OOSP4B: variants seen among roughly 807,000 people sequenced by gnomAD.
The protein encoded by OOSP4B is oocyte-secreted protein 4B.
chr11:60,023,566 C>G (rs1339739258), intron 1 of OOSP4B, among the ~76,000 whole-genome samples: 1 of 152,142 alleles, frequency 6.6e-6, no homozygotes, highest in African/African-American at 2.4e-5. Context: ...TCCCAAGTAG[C>G]TGGGATTACA....
intron 1 of OOSP4B, 110 bp downstream of exon 1, chr11:60,017,523 T>G (rs892812737): frequency 2.5e-6 from 1 of 397,642 alleles, no homozygotes; most frequent in African/African-American, 2.1e-5. Flanking sequence ...GATTACTTTC[T>G]AAAACACTGC....
chr11:60,020,097 A>G lies in OOSP4B; in HGVS notation c.22+2684A>G, dbSNP rs140530531. Among the ~76,000 whole-genome samples the G allele has an allele frequency of 6.4e-3, 980 of 152,334 alleles. 14 individuals carry two copies. The highest frequency in any genetic ancestry group is 0.02 in the African/African-American group (816 of 41,584). ...CTGATTGGTGTGTTTACAAACCTTG[A>G]GCTAGATACAGAGTGCCGATTGGTG... On this transcript the variant is annotated intron_variant, in intron 1 of 4. Transcript: ENST00000642343.
At chr11:60,031,003 G>A in exon 5 of OOSP4B, 1 of 392,084 alleles carries the variant, frequency 2.6e-6, no homozygotes, top group Non-Finnish European at 4.5e-6. Context: ...TCTATACCAT[G>A]ATATTTATAC....
intron 1 of OOSP4B, chr11:60,022,392 G>A (rs749313487): frequency 3.9e-5 from 6 of 152,148 alleles, no homozygotes; most frequent in Admixed American, 6.5e-5. Flanking sequence ...TTTACTATCA[G>A]TATCTATCAA....
intron 1 of OOSP4B, among the ~76,000 whole-genome samples, chr11:60,019,300 G>A (rs189700946): frequency 1.3e-5 from 2 of 152,348 alleles, no homozygotes; most frequent in African/African-American, 4.8e-5. Context: ...GATCGCTTGA[G>A]CTCAGGAGTT....
intron 3 of OOSP4B, among the ~76,000 whole-genome samples, chr11:60,028,898 G>A (rs1006362542): frequency 1.3e-5 from 2 of 152,076 alleles, no homozygotes; most frequent in Middle Eastern, 6.3e-3. Context: ...TTTGATCCTT[G>A]GATTTCTCAC....
At position 60,020,568 on chromosome 11, in the gene OOSP4B, C is replaced by A. The variant is rs375424227; in HGVS notation, c.22+3155C>A. Among the ~76,000 whole-genome samples, 255 of 152,308 alleles carry A rather than the reference C, an allele frequency of 1.7e-3. 2 individuals carry two copies. The highest frequency in any genetic ancestry group is 5.7e-3 in the African/African-American group (236 of 41,564). On this transcript the variant is annotated intron_variant, in intron 1 of 4. Transcript: ENST00000642343. The stretch of plus-strand genomic sequence containing the variant: ...AACTTGCGCTGGCCTGCAAGCACAG[C>A]GAGCAGCCCCGGTTCCCGCCGGCGC...
Position 60,026,151 on chromosome 11 carries a change from C to T in OOSP4B, c.302+1146C>T, listed in dbSNP as rs139611218. On this transcript the variant is annotated intron_variant, in intron 3 of 4. Transcript: ENST00000642343. ...CTTAATGTGTTTTTTGATGAGCAGA[C>T]GTCTTTAATTTTGGAGTTTAATTTA... Among the ~76,000 whole-genome samples the T allele has an allele frequency of 2.0e-3, 303 of 152,182 alleles. 1 individual carries two copies. The highest frequency in any genetic ancestry group is 6.6e-3 in the African/African-American group (273 of 41,530).
rs188022778 is a variant in OOSP4B at position 60,019,984 on chromosome 11, A to T, written c.22+2571A>T. ...TAGATTAGCTAGATACAGAGTGTGG[A>T]CACAAAGGTTCTCCAAGTCCCCACC... On this transcript the variant is annotated intron_variant, in intron 1 of 4. Transcript: ENST00000642343. Among the ~76,000 whole-genome samples, 371 of 152,260 alleles carry T rather than the reference A, an allele frequency of 2.4e-3. 2 individuals are homozygous for T. The highest frequency in any genetic ancestry group is 7.5e-3 in the Admixed American group (115 of 15,310).
At chr11:60,021,671 T>C (rs1395028946) in intron 1 of OOSP4B, 1 of 152,232 alleles carries the variant, frequency 6.6e-6, no homozygotes, top group African/African-American at 2.4e-5. Context: ...TCTCAGGTTT[T>C]CTTTGTTAGA....
chr11:60,029,922 TTAA>T, exon 4 of OOSP4B: 1 of 398,352 alleles, frequency 2.5e-6, no homozygotes, highest in Non-Finnish European at 4.4e-6. Flanking sequence ...TTTAACAGTG[TTAA>T]TAAGGTGAGA....
chr11:60,026,432 A>G (rs1854746932), intron 3 of OOSP4B, among the ~76,000 whole-genome samples: 1 of 152,336 alleles, frequency 6.6e-6, no homozygotes, highest in Non-Finnish European at 1.5e-5. Flanking sequence ...CGTTATATCA[A>G]TGACCTTATA....
chr11:60,020,051 C>G (rs983247852), intron 1 of OOSP4B, among the ~76,000 whole-genome samples: 1 of 152,204 alleles, frequency 6.6e-6, no homozygotes, highest in African/African-American at 2.4e-5. Flanking sequence ...CATTCACAAA[C>G]GCTGAGCTAG....
intron 3 of OOSP4B, among the ~76,000 whole-genome samples, chr11:60,025,244 T>C (rs1411276697): frequency 6.6e-6 from 1 of 152,208 alleles, no homozygotes; most frequent in Non-Finnish European, 1.5e-5. Flanking sequence ...TCTATCAATT[T>C]TGATGCACTT....
intron 1 of OOSP4B, among the ~76,000 whole-genome samples, chr11:60,018,890 A>C (rs1854653645): frequency 1.3e-5 from 2 of 152,210 alleles, no homozygotes; most frequent in Admixed American, 1.3e-4. Flanking sequence ...AGACGAATCT[A>C]GGGAAACTTA....
At chr11:60,024,423 C>T (rs1854724743) in intron 2 of OOSP4B, among the ~76,000 whole-genome samples, 1 of 152,070 alleles carries the variant, frequency 6.6e-6, no homozygotes, top group Non-Finnish European at 1.5e-5. Context: ...ACCTGTAATC[C>T]CAGCTATTTG....
chr11:60,030,557 T>G (rs928614065), intron 4 of OOSP4B, among the ~76,000 whole-genome samples: 1 of 152,206 alleles, frequency 6.6e-6, no homozygotes, highest in Admixed American at 6.5e-5. Flanking sequence ...TGTAATTACT[T>G]GATAGTCTCA....
At chr11:60,027,101 C>T (rs1854752425) in intron 3 of OOSP4B, among the ~76,000 whole-genome samples, 2 of 152,156 alleles carry the variant, frequency 1.3e-5, no homozygotes, top group Non-Finnish European at 2.9e-5. Flanking sequence ...TATCCAGGTA[C>T]TGGGCATAGT....
chr11:60,024,927 A>G, exon 3 of OOSP4B: 1 of 398,398 alleles, frequency 2.5e-6, no homozygotes, highest in East Asian at 3.6e-5. Context: ...ACAAATGATG[A>G]CGCCATATTA....
Sources: allele counts gnomAD v4.1 joint callset (sites outside exome capture counted in the v4.1 genomes callset), GRCh38; gene constraint gnomAD v4.1.1; transcripts MANE v1.5; gene names NCBI Gene and HGNC (gene_info 2026-07-23, HGNC 2026-07-21).